Variants in MED12L observed in about 807,000 individuals in gnomAD.
The protein encoded by MED12L is mediator complex subunit 12L.
MED12L carries 60 observed loss-of-function variants against 281.3 expected under a neutral mutation model. That is an observed-to-expected ratio of 0.21 (90% CI 0.17 to 0.26). The LOEUF is 0.26. Ranked by LOEUF, MED12L falls within the 10% of genes least tolerant of loss-of-function variation. The pLI is 1.00. For synonymous variants in MED12L, 974 were observed against 987.2 expected (o/e 0.99, Z 0.25); for missense variants, 2,146 against 2,680.9 (o/e 0.80, Z 4.41).
intron 16 of MED12L, among the ~76,000 whole-genome samples, chr3:151,225,363 G>A (rs1055892885): frequency 6.6e-6 from 1 of 152,130 alleles, no homozygotes; most frequent in African/African-American, 2.4e-5. Flanking sequence ...TCATGGTTCT[G>A]GATTCTCTGA....
At chr3:151,244,801 A>C (rs537649089) in intron 16 of MED12L, among the ~76,000 whole-genome samples, 1 of 152,286 alleles carries the variant, frequency 6.6e-6, no homozygotes, top group South Asian at 2.1e-4. Context: ...GTCACAAAAA[A>C]CCCTTCAAAA....
At chr3:151,358,448 A>C (rs904545065) in intron 20 of MED12L, among the ~76,000 whole-genome samples, 8 of 152,176 alleles carry the variant, frequency 5.3e-5, no homozygotes, top group Non-Finnish European at 1.0e-4. Flanking sequence ...GATTTTAATA[A>C]AAATCTTTCG....
Position 151,382,609 on chromosome 3 carries a change from T to C in MED12L, c.4591-47T>C, listed in dbSNP as rs760665629. ...GTATAAAGCTCAATTTATCTTTAAA[T>C]GAGAGAAAAATTAAACTTTAATGGG... On this transcript the variant is annotated intron_variant, in intron 32 of 44. Coordinates refer to ENST00000687756, the MANE Select transcript of MED12L (RefSeq NM_001393769.1). 5.7e-6 allele frequency: 8 copies of C among 1,391,680 alleles called. No homozygotes were observed. The East Asian group carries it at 1.7e-4, about 29-fold the overall frequency. 86.2% of individuals were successfully genotyped at this position (1,391,680 alleles called of 1,614,324 possible).
intron 16 of MED12L, chr3:151,213,159 T>C (rs1307296556): frequency 1.3e-5 from 8 of 635,752 alleles, no homozygotes; most frequent in Middle Eastern, 2.9e-4. Context: ...TGGAAACTTA[T>C]ATTTGAATTT....
intron 39 of MED12L, 109 bp downstream of exon 39, chr3:151,394,976 C>G: frequency 7.2e-7 from 1 of 1,392,806 alleles, no homozygotes; most frequent in Admixed American, 2.1e-5. Flanking sequence ...TCCCTGTATA[C>G]TTGTGTGAGT....
intron 16 of MED12L, among the ~76,000 whole-genome samples, chr3:151,234,291 G>T (rs183522496): frequency 1.3e-5 from 2 of 152,342 alleles, no homozygotes; most frequent in Admixed American, 1.3e-4. Context: ...GCTTCAAGTG[G>T]TCCTGACAAG....
At chr3:151,189,855 G>A (rs954528672) in intron 13 of MED12L, among the ~76,000 whole-genome samples, 1 of 152,188 alleles carries the variant, frequency 6.6e-6, no homozygotes, top group Non-Finnish European at 1.5e-5. Flanking sequence ...GAGTTAAATA[G>A]GCTAGTTATG....
At chr3:151,255,705 A>G (rs533102646) in intron 16 of MED12L, among the ~76,000 whole-genome samples, 1 of 152,306 alleles carries the variant, frequency 6.6e-6, no homozygotes, top group East Asian at 1.9e-4. Flanking sequence ...AAATACAGCG[A>G]ACTTGTTTAC....
rs1719605229 is a variant in MED12L, at chr3:151,158,703, A to G, written c.741A>G (p.Glu247=). The change falls in exon 7 of 45, where the codon GAA becomes GAG. Residue 247 remains glutamate, a synonymous_variant. Coordinates refer to ENST00000687756, the MANE Select transcript of MED12L (RefSeq NM_001393769.1). ...GTTCATTTAAGGAAGGAATGTTAGA[A>G]AAACACGAATATTTGACATGGATCC... ...AFHMFQEGML[E]KHEYLTWILD... The G allele has an allele frequency of 4.3e-6, 7 of 1,609,774 alleles. No individual in the cohort carries two copies. Among genetic ancestry groups the G allele is most frequent in the Middle Eastern group, 1.7e-4 (1 of 6,048 alleles).
At chr3:151,141,187 G>GTTTTTTTTTTTTTTTTTTTTT (rs76965310) in intron 5 of MED12L, among the ~76,000 whole-genome samples, 5 of 99,120 alleles carry the variant, frequency 5.0e-5, no homozygotes, top group African/African-American at 9.5e-5. Flanking sequence ...TGTTTTTTTT[G>GTTTTTTTTTTTTTTTTTTTTT]TTTTTTTTTT....
chr3:151,367,060 C>T (rs1272553586), intron 23 of MED12L, among the ~76,000 whole-genome samples: 1 of 152,076 alleles, frequency 6.6e-6, no homozygotes, highest in African/African-American at 2.4e-5. Flanking sequence ...GCCAAGGTCA[C>T]GTGAGATCTA....
chr3:151,316,995 A>T (rs1032893228), intron 16 of MED12L: 3 of 152,104 alleles, frequency 2.0e-5, no homozygotes, highest in Non-Finnish European at 2.9e-5. Flanking sequence ...GTGGGGGATG[A>T]AGTCTCGGGT....
chr3:151,219,344 A>T (rs1728868346), intron 16 of MED12L, among the ~76,000 whole-genome samples: 1 of 152,228 alleles, frequency 6.6e-6, no homozygotes. Context: ...AAGCAGGCTT[A>T]GTCAGCTCTG....
chr3:151,114,230 C>T (rs1007055292), intron 2 of MED12L, among the ~76,000 whole-genome samples: 4 of 152,140 alleles, frequency 2.6e-5, no homozygotes, highest in Non-Finnish European at 5.9e-5. Context: ...ATAATGTACA[C>T]GTAACTCATA....
intron 5 of MED12L, among the ~76,000 whole-genome samples, chr3:151,148,685 G>A (rs756873822): frequency 1.4e-4 from 21 of 152,168 alleles, no homozygotes; most frequent in Non-Finnish European, 2.2e-4. Context: ...TCTGGACTTG[G>A]TTGGAGTTTT....
chr3:151,343,181 T>G (rs1752091289), intron 16 of MED12L, among the ~76,000 whole-genome samples: 1 of 152,158 alleles, frequency 6.6e-6, no homozygotes, highest in Admixed American at 6.6e-5. Context: ...TACAGCAAAT[T>G]GTAAATGCTA....
Position 151,115,162 on chromosome 3 carries a change from G to A in MED12L, c.100-1176G>A, listed in dbSNP as rs187049633. Among the ~76,000 whole-genome samples, 32 of 152,158 alleles carry A rather than the reference G, an allele frequency of 2.1e-4. No individual in the cohort carries two copies. In the East Asian group the frequency reaches 4.3e-3, roughly 20 times the overall value. On this transcript the variant is annotated intron_variant, in intron 2 of 44. Transcript: ENST00000687756. ...TCAGTTGTAGGTTGTGATGTTGTGT[G>A]GCTGTAATCATAAGGCGTGTGCCTA...
At chr3:151,183,115 A>AT (rs35693948) in intron 11 of MED12L, among the ~76,000 whole-genome samples, 68,106 of 151,766 alleles carry the variant, frequency 0.45, 17,709 homozygotes, top group Non-Finnish European at 0.57. Flanking sequence ...CCCAATTTAC[A>AT]TTTTTTTCCC....
At chr3:151,406,126 T>C (rs1441113833) in intron 39 of MED12L, among the ~76,000 whole-genome samples, 1 of 152,222 alleles carries the variant, frequency 6.6e-6, no homozygotes, top group East Asian at 1.9e-4. Context: ...TCTTGCCCTG[T>C]CTTGTCCTAG....
Sources: gnomAD v4.1 joint callset for allele counts (sites outside exome capture counted in the v4.1 genomes callset) on GRCh38, gnomAD v4.1.1 for gene constraint, MANE v1.5 for transcripts, NCBI Gene and HGNC (gene_info 2026-07-23, HGNC 2026-07-21) for gene names.